The following HIPK2 variants were observed in gnomAD, a reference collection of about 807,000 sequenced individuals.
HIPK2 encodes the protein homeodomain-interacting protein kinase 2.
HIPK2 carries 27 observed loss-of-function variants against 113.7 expected under a neutral mutation model. The observed-to-expected ratio is 0.24, with a 90% CI of 0.17 to 0.33. The LOEUF (loss-of-function observed/expected upper bound fraction) is 0.33. Ranked by LOEUF, HIPK2 falls within the 10% of genes least tolerant of loss-of-function variation. The probability of loss-of-function intolerance (pLI) is 1.00; values close to 1 mark genes in which losing one functional copy is unlikely to be tolerated. For synonymous variants in HIPK2, 631 were observed against 642.2 expected, an observed-to-expected ratio of 0.98 and a Z score of 0.26; for missense variants, 1,257 against 1,588.0, an observed-to-expected ratio of 0.79 and a Z score of 3.54.
At chr7:139,719,263 C>T (rs917166890) in intron 1 of HIPK2, among the ~76,000 whole-genome samples, 2 of 152,060 alleles carry the variant, frequency 1.3e-5, no homozygotes, top group South Asian at 2.1e-4. Context: ...TGCGCCACCA[C>T]GCCCAGCTAA....
At chr7:139,718,482 CCTT>C (rs1254517663) in intron 1 of HIPK2, among the ~76,000 whole-genome samples, 2 of 152,284 alleles carry the variant, frequency 1.3e-5, no homozygotes, top group African/African-American at 4.8e-5. Context: ...TCCTTTATTT[CCTT>C]CTTCATTTCA....
At chr7:139,687,866 G>A (rs1284083494) in intron 2 of HIPK2, among the ~76,000 whole-genome samples, 1 of 152,148 alleles carries the variant, frequency 6.6e-6, no homozygotes, top group Non-Finnish European at 1.5e-5. Flanking sequence ...TGGATGTATG[G>A]GTGATTGGGA....
At chr7:139,753,540 C>G (rs896336104) in intron 1 of HIPK2, among the ~76,000 whole-genome samples, 2 of 152,186 alleles carry the variant, frequency 1.3e-5, no homozygotes, top group East Asian at 1.9e-4. Flanking sequence ...TTGGAACCAT[C>G]GAGGGAGATT....
intron 2 of HIPK2, among the ~76,000 whole-genome samples, chr7:139,634,567 A>C (rs1184378989): frequency 6.6e-6 from 1 of 151,950 alleles, no homozygotes; most frequent in African/African-American, 2.4e-5. Flanking sequence ...ATTGTGTGTA[A>C]CTGATAAGAT....
At chr7:139,616,803 C>T (rs1029110823) in intron 7 of HIPK2, among the ~76,000 whole-genome samples, 3 of 152,230 alleles carry the variant, frequency 2.0e-5, no homozygotes, top group Non-Finnish European at 2.9e-5. Context: ...TTCCTCCAGC[C>T]TGCAGTGGTC....
chr7:139,745,827 G>A lies in HIPK2; in HGVS notation c.20-28812C>T, dbSNP rs1275045135. On this transcript the variant is annotated intron_variant, in intron 1 of 14. Transcript: ENST00000406875. Reference sequence around the variant, plus strand: ...CATGCTCACTGCAAGCATTGTCCTGGGGACTCAGTAAATGTTTACTGAATT... The same window carrying A: ...CATGCTCACTGCAAGCATTGTCCTGAGGACTCAGTAAATGTTTACTGAATT... 3.9e-5 allele frequency among the ~76,000 whole-genome samples: 6 copies of A among 152,248 alleles called. No individual in the cohort carries two copies. In the Middle Eastern group the frequency reaches 0.01, roughly 259 times the overall value.
At chr7:139,668,228 CTAAG>C (rs1015145884) in intron 2 of HIPK2, among the ~76,000 whole-genome samples, 157 of 150,892 alleles carry the variant, frequency 1.0e-3, no homozygotes, top group African/African-American at 3.6e-3. Flanking sequence ...TCAGTGTTAA[CTAAG>C]TAAGTATAAT....
intron 1 of HIPK2, among the ~76,000 whole-genome samples, chr7:139,746,306 A>G (rs1485873919): frequency 6.6e-6 from 1 of 152,094 alleles, no homozygotes; most frequent in Non-Finnish European, 1.5e-5. Context: ...TTTCCAAATC[A>G]AGACCATCCT....
intron 1 of HIPK2, among the ~76,000 whole-genome samples, chr7:139,762,147 C>T (rs1050714007): frequency 6.6e-6 from 1 of 152,162 alleles, no homozygotes; most frequent in African/African-American, 2.4e-5. Flanking sequence ...AGTGGCCTGT[C>T]CATCAGTGGC....
At chr7:139,736,074 G>A (rs1192891041) in intron 1 of HIPK2, among the ~76,000 whole-genome samples, 2 of 152,158 alleles carry the variant, frequency 1.3e-5, no homozygotes, top group Non-Finnish European at 2.9e-5. Flanking sequence ...GTCACAGGAG[G>A]TGGCTGAGAG....
intron 2 of HIPK2, among the ~76,000 whole-genome samples, chr7:139,656,530 C>A (rs1029540867): frequency 6.6e-6 from 1 of 152,226 alleles, no homozygotes; most frequent in South Asian, 2.1e-4. Flanking sequence ...TGGCTAGTTT[C>A]TCTGCCTCTA....
intron 13 of HIPK2, among the ~76,000 whole-genome samples, chr7:139,576,578 A>G (rs1049601520): frequency 3.3e-5 from 5 of 152,150 alleles, no homozygotes; most frequent in African/African-American, 1.2e-4. Context: ...TAACTCATCC[A>G]AGTATTTTCT....
At chr7:139,673,239 G>A (rs1427068305) in intron 2 of HIPK2, among the ~76,000 whole-genome samples, 1 of 152,092 alleles carries the variant, frequency 6.6e-6, no homozygotes, top group Non-Finnish European at 1.5e-5. Flanking sequence ...GAATGCAGAA[G>A]ACAGAAAGAT....
At chr7:139,676,522 A>C (rs1802499424) in intron 2 of HIPK2, among the ~76,000 whole-genome samples, 1 of 152,228 alleles carries the variant, frequency 6.6e-6, no homozygotes, top group African/African-American at 2.4e-5. Flanking sequence ...AGCACCTCCC[A>C]GATACTGGGT....
intron 9 of HIPK2, among the ~76,000 whole-genome samples, chr7:139,605,598 T>C (rs1202860825): frequency 6.6e-6 from 1 of 152,180 alleles, no homozygotes; most frequent in African/African-American, 2.4e-5. Context: ...TTGACGCTTA[T>C]AAAAATGAGA....
chr7:139,770,853 T>G (rs1428033884), intron 1 of HIPK2, among the ~76,000 whole-genome samples: 1 of 152,232 alleles, frequency 6.6e-6, no homozygotes, highest in Non-Finnish European at 1.5e-5. Flanking sequence ...TCAAAAACAT[T>G]ACAAATTTGT....
intron 1 of HIPK2, among the ~76,000 whole-genome samples, chr7:139,767,193 C>T (rs910749175): frequency 4.6e-5 from 7 of 152,234 alleles, no homozygotes; most frequent in African/African-American, 1.7e-4. Context: ...AATGCAAATG[C>T]TCAAGCCTAC....
intron 1 of HIPK2, chr7:139,777,132 C>A (rs919967905): frequency 6.6e-6 from 1 of 152,154 alleles, no homozygotes; most frequent in African/African-American, 2.4e-5. Context: ...ATTCCACAGC[C>A]CCCCCAAAAT....
intron 2 of HIPK2, among the ~76,000 whole-genome samples, chr7:139,707,083 G>A (rs1019461281): frequency 1.3e-5 from 2 of 152,212 alleles, no homozygotes; most frequent in Admixed American, 6.5e-5. Context: ...CACTCCTGGA[G>A]GCCTCGGGCA....
Sources: allele counts gnomAD v4.1 joint callset (sites outside exome capture counted in the v4.1 genomes callset), GRCh38; gene constraint gnomAD v4.1.1; transcripts MANE v1.5; gene names NCBI Gene and HGNC (gene_info 2026-07-23, HGNC 2026-07-21).